Variants in GABBR2 observed in about 807,000 individuals in gnomAD.
The protein encoded by GABBR2 is G-protein coupled receptor 51.
GABBR2 carries 23 observed loss-of-function variants against 105.6 expected under a neutral mutation model. The ratio of observed to expected loss-of-function variants is 0.22; its 90% confidence interval spans 0.16 to 0.31. The LOEUF (loss-of-function observed/expected upper bound fraction) is 0.31. Among genes scored for constraint, GABBR2 ranks in the 10% least tolerant of loss-of-function variants. The pLI, the probability that GABBR2 is intolerant of heterozygous loss-of-function variation, is 1.00. For missense variants in GABBR2, 734 were observed against 1,245.5 expected, an observed-to-expected ratio of 0.59 and a Z score of 6.18; for synonymous variants, 478 against 499.7, an observed-to-expected ratio of 0.96 and a Z score of 0.58.
rs58069151 is a variant in GABBR2 at position 98,447,537 on chromosome 9, A to ATGTGTGTGTG, written c.1236+6434_1236+6443dup. Among the ~76,000 whole-genome samples the ATGTGTGTGTG allele has an allele frequency of 3.4e-3, 482 of 142,500 alleles. 2 individuals are homozygous for ATGTGTGTGTG. Among genetic ancestry groups the ATGTGTGTGTG allele is most frequent in the South Asian group, 5.3e-3 (22 of 4,122 alleles). 93.5% of individuals were successfully genotyped at this position (142,500 alleles called of 152,430 possible). A position where few individuals can be genotyped will look rare whatever the true frequency, so the allele number is the denominator to read the frequency against. ...ACAAGATGATATGTAACTAGTATGT[A>ATGTGTGTGTG]TGTGTGTGTGTGTGTGTGTGTGTGT... On this transcript the variant is annotated intron_variant, in intron 7 of 18. Transcript: ENST00000259455.
intron 8 of GABBR2, among the ~76,000 whole-genome samples, chr9:98,394,650 G>T (rs1832254732): frequency 6.6e-6 from 1 of 152,192 alleles, no homozygotes; most frequent in South Asian, 2.1e-4. Flanking sequence ...CCCTAGGATA[G>T]GCCCAGATAC....
At chr9:98,620,894 C>T (rs1030892538) in intron 1 of GABBR2, among the ~76,000 whole-genome samples, 5 of 152,184 alleles carry the variant, frequency 3.3e-5, no homozygotes, top group Non-Finnish European at 2.9e-5. Flanking sequence ...TCTCAGTTTC[C>T]TTAGCTACAA....
chr9:98,498,836 C>T (rs1052714119), intron 3 of GABBR2, among the ~76,000 whole-genome samples: 1 of 152,160 alleles, frequency 6.6e-6, no homozygotes, highest in Non-Finnish European at 1.5e-5. Flanking sequence ...ACAGGTGGGC[C>T]CCATGATGAG....
In GABBR2 at chr9:98,633,781, T is replaced by G. The variant is rs117095110; in HGVS notation, c.322-55709A>C. Among the ~76,000 whole-genome samples the G allele has an allele frequency of 5.7e-3, 864 of 152,184 alleles. 21 individuals are homozygous for G. The highest frequency in any genetic ancestry group is 0.056 in the East Asian group (291 of 5,168). ...AGAGCCTTAGTCTGCAGTGCCTTTTTAGGGGTGCTCAGCAAGGTGGATGGA... is the reference window on the plus strand; with the variant it reads ...AGAGCCTTAGTCTGCAGTGCCTTTTGAGGGGTGCTCAGCAAGGTGGATGGA... On this transcript the variant is annotated intron_variant, in intron 1 of 18. Transcript: ENST00000259455.
At chr9:98,476,502 A>G (rs748099364) in intron 5 of GABBR2, among the ~76,000 whole-genome samples, 1 of 152,164 alleles carries the variant, frequency 6.6e-6, no homozygotes, top group Non-Finnish European at 1.5e-5. Context: ...AGACAGAGGA[A>G]AGCAAAGCCT....
At chr9:98,611,580 C>G (rs1218568301) in intron 1 of GABBR2, among the ~76,000 whole-genome samples, 2 of 152,204 alleles carry the variant, frequency 1.3e-5, no homozygotes. Flanking sequence ...GACCCATAAC[C>G]TTGTAGGCCC....
At chr9:98,497,770 G>T (rs1405322440) in intron 3 of GABBR2, among the ~76,000 whole-genome samples, 1 of 152,244 alleles carries the variant, frequency 6.6e-6, no homozygotes, top group Non-Finnish European at 1.5e-5. Flanking sequence ...GAACCCTTGT[G>T]TGTTGCTGGT....
chr9:98,598,111 C>T (rs572291771), intron 1 of GABBR2, among the ~76,000 whole-genome samples: 1 of 152,338 alleles, frequency 6.6e-6, no homozygotes, highest in East Asian at 1.9e-4. Flanking sequence ...GTGTGAGCCA[C>T]TGCGCCCAGC....
chr9:98,470,884 T>A (rs1826659756), intron 6 of GABBR2, among the ~76,000 whole-genome samples: 1 of 152,312 alleles, frequency 6.6e-6, no homozygotes, highest in Non-Finnish European at 1.5e-5. Context: ...AATTTCAGGC[T>A]TAGTCCCAGC....
At chr9:98,580,591 C>T (rs1828986741) in intron 1 of GABBR2, among the ~76,000 whole-genome samples, 1 of 152,130 alleles carries the variant, frequency 6.6e-6, no homozygotes, top group Admixed American at 6.5e-5. Flanking sequence ...AGTTTGAGAA[C>T]AGCCTGGACA....
At chr9:98,392,391 G>T (rs1450087988) in intron 9 of GABBR2, among the ~76,000 whole-genome samples, 2 of 152,236 alleles carry the variant, frequency 1.3e-5, no homozygotes, top group South Asian at 2.1e-4. Flanking sequence ...CCGATCTTGG[G>T]GATCAGGGCT....
chr9:98,482,744 T>C (rs903489663), intron 4 of GABBR2, among the ~76,000 whole-genome samples: 10 of 152,156 alleles, frequency 6.6e-5, no homozygotes, highest in Non-Finnish European at 1.2e-4. Flanking sequence ...CCTTCATCTC[T>C]GAGAAAGGGA....
At position 98,607,880 on chromosome 9, in the gene GABBR2, T is replaced by C. The variant is rs1829452034; in HGVS notation, c.322-29808A>G. ...GAGCATGTAGCTAAAATGAAGAAGA[T>C]GGAGCTGGAGATGGAGCAGGTGTTT... is the stretch of plus-strand genomic sequence containing the variant. On this transcript the variant is annotated intron_variant, in intron 1 of 18. Coordinates refer to ENST00000259455, the MANE Select transcript of GABBR2 (RefSeq NM_005458.8). 5.6e-6 allele frequency: 8 copies of C among 1,421,132 alleles called. No homozygotes were observed. In the South Asian group the frequency reaches 9.8e-5, roughly 17 times the overall value. 88.0% of individuals were successfully genotyped at this position (1,421,132 alleles called of 1,614,324 possible).
intron 13 of GABBR2, among the ~76,000 whole-genome samples, chr9:98,317,673 A>G (rs1425981754): frequency 6.6e-6 from 1 of 152,318 alleles, no homozygotes; most frequent in African/African-American, 2.4e-5. Context: ...ACATTCATTC[A>G]TTCGAAATCG....
At chr9:98,520,216 G>A (rs566277799) in intron 3 of GABBR2, among the ~76,000 whole-genome samples, 6 of 152,346 alleles carry the variant, frequency 3.9e-5, no homozygotes, top group African/African-American at 1.4e-4. Flanking sequence ...GTCAAGAAGG[G>A]GAGGTGTGGA....
At chr9:98,587,709 A>G (rs1008524778) in intron 1 of GABBR2, among the ~76,000 whole-genome samples, 2 of 152,232 alleles carry the variant, frequency 1.3e-5, no homozygotes, top group African/African-American at 4.8e-5. Flanking sequence ...ACCATCTAAA[A>G]TTGAAAACTG....
At chr9:98,510,786 C>A (rs1022731374) in intron 3 of GABBR2, among the ~76,000 whole-genome samples, 60 of 152,008 alleles carry the variant, frequency 3.9e-4, no homozygotes, top group Non-Finnish European at 8.2e-4. Flanking sequence ...CCTGAGTGAC[C>A]TACAAAGAGA....
chr9:98,569,409 AC>A lies in GABBR2; in HGVS notation c.459+8525del, dbSNP rs530618933. ...AGAGTCTGCAGTGTCAAAGTAAAAA[AC>A]CCTGTTGTCCATGCAAAGCTTTAAA... On this transcript the variant is annotated intron_variant, in intron 2 of 18. Coordinates refer to ENST00000259455, the MANE Select transcript of GABBR2 (RefSeq NM_005458.8). Among the ~76,000 whole-genome samples, 585 of 151,824 alleles carry A rather than the reference AC, an allele frequency of 3.9e-3. 7 individuals are homozygous for A. The highest frequency in any genetic ancestry group is 0.013 in the African/African-American group (543 of 41,344).
chr9:98,498,654 A>T (rs981624754), intron 3 of GABBR2, among the ~76,000 whole-genome samples: 1 of 152,244 alleles, frequency 6.6e-6, no homozygotes, highest in Admixed American at 6.5e-5. Flanking sequence ...AATGCTTGAA[A>T]TGCCTTGTGA....
Sources: allele counts gnomAD v4.1 joint callset (sites outside exome capture counted in the v4.1 genomes callset), GRCh38; gene constraint gnomAD v4.1.1; transcripts MANE v1.5; gene names NCBI Gene and HGNC (gene_info 2026-07-23, HGNC 2026-07-21).